PCDH7: variants seen among roughly 807,000 people sequenced by gnomAD.
The protein encoded by PCDH7 is protocadherin-7.
Under a neutral mutation model 58.9 loss-of-function variants are expected in PCDH7, and 17 were observed. That is an observed-to-expected ratio of 0.29 (90% CI 0.20 to 0.43). The LOEUF (loss-of-function observed/expected upper bound fraction) is 0.43, where lower values mean the gene tolerates loss of function less well. PCDH7 is among the 20% of genes least tolerant of loss of function. The probability of loss-of-function intolerance (pLI) is 1.00; values close to 1 mark genes in which losing one functional copy is unlikely to be tolerated. For synonymous variants in PCDH7, 664 were observed against 616.4 expected, an observed-to-expected ratio of 1.08 and a Z score of -1.14; for missense variants, 1,274 against 1,441.0, an observed-to-expected ratio of 0.88 and a Z score of 1.88.
At chr4:30,863,811 A>G (rs532771406) in intron 1 of PCDH7, among the ~76,000 whole-genome samples, 3 of 152,042 alleles carry the variant, frequency 2.0e-5, no homozygotes, top group East Asian at 3.9e-4. Flanking sequence ...GTTTTTTCCA[A>G]CCCCCAAGAG....
At chr4:30,800,159 A>G (rs1725349953) in intron 1 of PCDH7, among the ~76,000 whole-genome samples, 1 of 151,952 alleles carries the variant, frequency 6.6e-6, no homozygotes, top group Non-Finnish European at 1.5e-5. Flanking sequence ...TGCCCAGCGT[A>G]TGAATATAAC....
chr4:30,858,887 A>C (rs1733824505), intron 1 of PCDH7, among the ~76,000 whole-genome samples: 1 of 152,116 alleles, frequency 6.6e-6, no homozygotes, highest in African/African-American at 2.4e-5. Flanking sequence ...AATTATTCTA[A>C]CATGCCACAT....
intron 3 of PCDH7, among the ~76,000 whole-genome samples, chr4:31,092,941 G>A (rs140091983): frequency 6.6e-6 from 1 of 152,040 alleles, no homozygotes; most frequent in Non-Finnish European, 1.5e-5. Flanking sequence ...TTATATAGAC[G>A]AAAATATTGC....
At chr4:30,915,362 A>G (rs754637763) in intron 1 of PCDH7, among the ~76,000 whole-genome samples, 2 of 152,174 alleles carry the variant, frequency 1.3e-5, no homozygotes, top group South Asian at 4.1e-4. Flanking sequence ...CTGTAGCCAC[A>G]GTGGCCTTCT....
intron 3 of PCDH7, among the ~76,000 whole-genome samples, chr4:30,978,905 A>G (rs1750306136): frequency 6.6e-6 from 1 of 152,178 alleles, no homozygotes; most frequent in Admixed American, 6.5e-5. Context: ...TCCATCTTGA[A>G]GGGGGCGAGA....
chr4:30,729,631 C>T (rs1715187655), intron 1 of PCDH7, among the ~76,000 whole-genome samples: 1 of 151,954 alleles, frequency 6.6e-6, no homozygotes, highest in Non-Finnish European at 1.5e-5. Flanking sequence ...TTAAAACATT[C>T]TACACATTAT....
intron 3 of PCDH7, among the ~76,000 whole-genome samples, chr4:31,127,201 C>T (rs149034087): frequency 2.0e-4 from 31 of 152,216 alleles, no homozygotes; most frequent in African/African-American, 4.3e-4. Context: ...GTTGCAGTAC[C>T]GTAATTTTGC....
At chr4:30,841,967 T>TA (rs1359462292) in intron 1 of PCDH7, among the ~76,000 whole-genome samples, 2 of 147,900 alleles carry the variant, frequency 1.4e-5, no homozygotes, top group African/African-American at 2.7e-5. Context: ...ATATTATATA[T>TA]TTTTTTAGGA....
chr4:30,824,645 G>A (rs1048631546), intron 1 of PCDH7, among the ~76,000 whole-genome samples: 1 of 152,064 alleles, frequency 6.6e-6, no homozygotes, highest in Non-Finnish European at 1.5e-5. Flanking sequence ...ATCAGGCAGA[G>A]TAGGAGGAAA....
chr4:31,042,212 C>T (rs796890856), intron 3 of PCDH7, among the ~76,000 whole-genome samples: 15 of 152,250 alleles, frequency 9.9e-5, no homozygotes, highest in African/African-American at 3.4e-4. Context: ...CATTTTCTCT[C>T]ATCCCTGTTT....
At chr4:31,145,223 T>C (rs1720600388), downstream of PCDH7, 1 of 152,082 alleles carries the variant, frequency 6.6e-6, no homozygotes, top group Non-Finnish European at 1.5e-5. Context: ...CCATTCAAGA[T>C]AGCCATGCCA....
intron 3 of PCDH7, among the ~76,000 whole-genome samples, chr4:31,122,043 T>A (rs970537558): frequency 3.9e-5 from 6 of 152,060 alleles, no homozygotes; most frequent in Admixed American, 3.9e-4. Flanking sequence ...CAAAAGCAAG[T>A]CTGATGATGA....
intron 2 of PCDH7, among the ~76,000 whole-genome samples, chr4:30,930,172 G>A (rs1447293734): frequency 6.6e-6 from 1 of 152,072 alleles, no homozygotes; most frequent in Non-Finnish European, 1.5e-5. Context: ...ACTTGAGTGT[G>A]GGTTACAAAA....
rs200262066 is a variant in PCDH7, at chr4:30,724,482, C to G, written c.3060C>G (p.Ala1020=). 1.2e-5 allele frequency: 19 copies of G among 1,613,964 alleles called. No individual in the cohort carries two copies. The African/African-American group carries it at 1.3e-4, about 11-fold the overall frequency. Reference sequence around the variant, plus strand: ...CAACTGCAGGAAAAAAACACCAGGCCGTACAAGATCTACCACCAGCCAACA... The same window carrying G: ...CAACTGCAGGAAAAAAACACCAGGCGGTACAAGATCTACCACCAGCCAACA... Residue 1020 remains alanine (A), a synonymous_variant, in exon 1 of 2, where the codon GCC becomes GCG. Transcript: ENST00000361762.
intron 1 of PCDH7, among the ~76,000 whole-genome samples, chr4:30,915,556 G>A (rs1052645544): frequency 9.9e-5 from 15 of 152,080 alleles, no homozygotes; most frequent in South Asian, 2.1e-4. Flanking sequence ...ATGGAGTCTC[G>A]CTCTGTCACC....
chr4:31,136,761 C>T (rs751611742), intron 3 of PCDH7, among the ~76,000 whole-genome samples: 6 of 152,098 alleles, frequency 3.9e-5, no homozygotes, highest in East Asian at 1.9e-4. Flanking sequence ...TTCCCCAAAC[C>T]GGCAAAAGGC....
At chr4:30,774,558 G>A (rs970474379) in intron 1 of PCDH7, among the ~76,000 whole-genome samples, 4 of 152,154 alleles carry the variant, frequency 2.6e-5, no homozygotes, top group African/African-American at 7.2e-5. Flanking sequence ...AACAGAAGCC[G>A]GGGTATTGCA....
chr4:30,730,795 C>G, exon 2 of PCDH7: 1 of 1,608,418 alleles, frequency 6.2e-7, no homozygotes, highest in East Asian at 2.2e-5. Flanking sequence ...CTGAATTCCA[C>G]TCTAATATGA....
At chr4:30,848,190 A>C (rs909305340) in intron 1 of PCDH7, among the ~76,000 whole-genome samples, 1 of 152,170 alleles carries the variant, frequency 6.6e-6, no homozygotes, top group African/African-American at 2.4e-5. Context: ...TAATGAAGAT[A>C]GCATCGGCAA....
Sources: allele counts gnomAD v4.1 joint callset (sites outside exome capture counted in the v4.1 genomes callset), GRCh38; gene constraint gnomAD v4.1.1; transcripts MANE v1.5; gene names NCBI Gene and HGNC (gene_info 2026-07-23, HGNC 2026-07-21).